TUT4: variants seen among roughly 807,000 people sequenced by gnomAD.
TUT4 encodes the protein terminal uridylyltransferase 4.
In TUT4, 36 loss-of-function variants were observed where a neutral mutation model predicts 192.2. That is an observed-to-expected ratio of 0.19 (90% confidence interval 0.14 to 0.25). TUT4 has a LOEUF of 0.25. Ranked by LOEUF, TUT4 falls within the 10% of genes least tolerant of loss-of-function variation. The probability of loss-of-function intolerance (pLI) is 1.00; values close to 1 mark genes in which losing one functional copy is unlikely to be tolerated. For synonymous variants in TUT4, 618 were observed against 666.0 expected (o/e 0.93, Z 1.11); for missense variants, 1,493 against 1,957.2 (o/e 0.76, Z 4.47).
chr1:52,487,564 C>T (rs1670122628), intron 9 of TUT4, among the ~76,000 whole-genome samples: 1 of 151,984 alleles, frequency 6.6e-6, no homozygotes, highest in Non-Finnish European at 1.5e-5. Context: ...GAAGTAGTCA[C>T]CCTCCCTCAA....
intron 14 of TUT4, 160 bp from the exon 15 acceptor site, chr1:52,468,427 G>C: frequency 1.8e-6 from 1 of 551,358 alleles, no homozygotes; most frequent in Non-Finnish European, 3.0e-6. Flanking sequence ...GGAAGGGTCT[G>C]GGAGATAGAA....
At chr1:52,545,657 G>GACT (rs1457679716) in intron 1 of TUT4, among the ~76,000 whole-genome samples, 18 of 151,994 alleles carry the variant, frequency 1.2e-4, no homozygotes, top group African/African-American at 4.4e-4. Context: ...CATAGGACAG[G>GACT]ACTACTATTA....
chr1:52,507,213 T>G (rs1675850053), intron 4 of TUT4, among the ~76,000 whole-genome samples: 1 of 152,248 alleles, frequency 6.6e-6, no homozygotes, highest in Admixed American at 6.5e-5. Flanking sequence ...TGCTGAATAC[T>G]TTAAGAGGAT....
intron 14 of TUT4, among the ~76,000 whole-genome samples, chr1:52,470,112 T>C (rs905591382): frequency 2.0e-5 from 3 of 151,604 alleles, no homozygotes; most frequent in African/African-American, 7.3e-5. Flanking sequence ...ATTCTAGGAG[T>C]AGGGCACAAA....
intron 14 of TUT4, 127 bp downstream of exon 14, chr1:52,471,825 G>T: frequency 1.1e-6 from 1 of 951,278 alleles, no homozygotes; most frequent in Non-Finnish European, 1.5e-6. Context: ...AAATATCTGT[G>T]CTTGGGTATC....
At chr1:52,445,895 A>C in intron 23 of TUT4, 26 bp from the exon 24 acceptor site, 3 of 1,602,956 alleles carry the variant, frequency 1.9e-6, no homozygotes, top group Non-Finnish European at 2.6e-6. Flanking sequence ...GAAAACAATA[A>C]AGATGCAGAC....
chr1:52,484,197 G>C (rs1424538423), intron 9 of TUT4, among the ~76,000 whole-genome samples: 1 of 152,086 alleles, frequency 6.6e-6, no homozygotes, highest in Non-Finnish European at 1.5e-5. Flanking sequence ...CTGGGCAACA[G>C]AGTGAGACTC....
intron 1 of TUT4, among the ~76,000 whole-genome samples, chr1:52,527,878 T>C (rs1682242224): frequency 6.6e-6 from 1 of 151,886 alleles, no homozygotes; most frequent in Non-Finnish European, 1.5e-5. Flanking sequence ...AACCTAAAAG[T>C]GTTCTAAAAA....
At chr1:52,529,200 TA>T (rs1337525572) in intron 1 of TUT4, among the ~76,000 whole-genome samples, 3 of 152,010 alleles carry the variant, frequency 2.0e-5, no homozygotes, top group Non-Finnish European at 4.4e-5. Context: ...ATTTTTTAAT[TA>T]AAAAAAATTT....
At chr1:52,490,621 T>C (rs1248601235) in intron 8 of TUT4, 111 bp downstream of exon 8, 3 of 782,848 alleles carry the variant, frequency 3.8e-6, no homozygotes, top group Non-Finnish European at 2.0e-6. Flanking sequence ...CTTAGTCATA[T>C]TCATCCAAGG....
Position 52,516,006 on chromosome 1 carries a change from T to G in TUT4, c.767A>C (p.Asp256Ala). ...TATCACAGTGGCATTTTCTAAGTAG[T>G]CCATCTCTGAAGAATTTTCTTTATT... is the stretch of plus-strand genomic sequence containing the variant. ...ESNKENSSEM[D>A]YLENATVIDE... Residue 256 changes from aspartate to alanine, a missense_variant, in exon 3 of 30, where the codon GAC becomes GCC. By Grantham distance (126) the Asp-to-Ala change is moderately radical. Transcript: ENST00000257177. 1 of 1,613,530 alleles carries G rather than the reference T, an allele frequency of 6.2e-7. No homozygotes were observed. Among genetic ancestry groups the G allele is most frequent in the Non-Finnish European group, 8.5e-7 (1 of 1,179,746 alleles).
intron 1 of TUT4, among the ~76,000 whole-genome samples, chr1:52,542,851 T>A (rs978110709): frequency 3.9e-5 from 6 of 151,950 alleles, no homozygotes; most frequent in African/African-American, 1.5e-4. Context: ...AACCTCCGCC[T>A]CCCAGGTTCA....
Position 52,521,522 on chromosome 1 carries a change from G to A in TUT4, c.718+4041C>T, listed in dbSNP as rs149174206. 2.2e-3 allele frequency among the ~76,000 whole-genome samples: 329 copies of A among 150,752 alleles called. 5 individuals are homozygous for A. In the East Asian group the frequency reaches 0.042, roughly 19 times the overall value. ...TTTACTAAAAATACAAAAATTAGCC[G>A]GGTGTAGTGGTACACGCCTGCAGTC... On this transcript the variant is annotated intron_variant, in intron 2 of 29. Coordinates refer to ENST00000257177, the MANE Select transcript of TUT4 (RefSeq NM_001009881.3).
chr1:52,497,227 C>A, intron 4 of TUT4, 44 bp from the exon 5 acceptor site: 1 of 1,506,098 alleles, frequency 6.6e-7, no homozygotes, highest in Non-Finnish European at 8.8e-7. Context: ...AAAAAAGTTT[C>A]TATTTTAATT....
intron 13 of TUT4, among the ~76,000 whole-genome samples, chr1:52,473,550 A>C (rs1220440821): frequency 6.6e-6 from 1 of 152,244 alleles, no homozygotes; most frequent in Non-Finnish European, 1.5e-5. Context: ...GACATTAAAT[A>C]TCTATAGCTT....
chr1:52,472,016 T>C lies in TUT4; in HGVS notation c.2814A>G (p.Lys938=). The part of the protein sequence containing the change: ...CPEDFRKIDL[K]PLPPMTNRFR... Reference sequence around the variant, plus strand: ...ATCGGTTTGTCATTGGTGGTAGAGGTTTTAAATCAATTTTCCTAAAATCCT... The same window carrying C: ...ATCGGTTTGTCATTGGTGGTAGAGGCTTTAAATCAATTTTCCTAAAATCCT... Residue 938 remains lysine (K), a synonymous_variant, in exon 14 of 30, where the codon AAA becomes AAG. Coordinates refer to ENST00000257177, the MANE Select transcript of TUT4 (RefSeq NM_001009881.3). 1 of 1,613,778 alleles carries C rather than the reference T, an allele frequency of 6.2e-7. No homozygotes were observed. The highest frequency in any genetic ancestry group is 8.5e-7 in the Non-Finnish European group (1 of 1,179,884).
intron 20 of TUT4, among the ~76,000 whole-genome samples, chr1:52,453,963 A>T (rs914226519): frequency 3.3e-5 from 5 of 152,252 alleles, no homozygotes; most frequent in African/African-American, 1.2e-4. Flanking sequence ...GAAATTAGAA[A>T]TACAATACCA....
upstream of TUT4, chr1:52,553,125 GGAGGAGGGAGAGGGAGAGGGAGAGAAA>G (rs1689926050): frequency 6.5e-6 from 1 of 153,574 alleles, no homozygotes; most frequent in Admixed American, 6.6e-5. Flanking sequence ...GGGAGGGGGA[GGAGGAGGGAGAGGGAGAGGGAGAGAAA>G]GAGGAGGACC....
At chr1:52,494,911 G>A (rs1672083872) in intron 6 of TUT4, among the ~76,000 whole-genome samples, 1 of 151,928 alleles carries the variant, frequency 6.6e-6, no homozygotes, top group Admixed American at 6.6e-5. Flanking sequence ...AACAATATTA[G>A]AACAATATCA....
Sources: gnomAD v4.1 joint callset for allele counts (sites outside exome capture counted in the v4.1 genomes callset) on GRCh38, gnomAD v4.1.1 for gene constraint, MANE v1.5 for transcripts, NCBI Gene and HGNC (gene_info 2026-07-23, HGNC 2026-07-21) for gene names.